The following TAOK1 variants were observed in gnomAD, a reference collection of about 807,000 sequenced individuals.
TAOK1 encodes serine/threonine-protein kinase TAO1.
Under a neutral mutation model 138.3 loss-of-function variants are expected in TAOK1, and 21 were observed. The observed-to-expected ratio is 0.15, with a 90% CI of 0.11 to 0.22. The LOEUF is 0.22. TAOK1 is among the 10% of genes least tolerant of loss of function. TAOK1 has a pLI of 1.00. For missense variants in TAOK1, 651 were observed against 1,227.7 expected (o/e 0.53, Z 7.02); for synonymous variants, 361 against 398.4 (o/e 0.91, Z 1.12).
At chr17:29,398,881 G>GC (rs1482425394) in intron 1 of TAOK1, among the ~76,000 whole-genome samples, 1 of 151,954 alleles carries the variant, frequency 6.6e-6, no homozygotes. Context: ...GATAATGCTT[G>GC]CTAAGTACTT....
At chr17:29,401,016 C>A (rs531234231) in intron 1 of TAOK1, among the ~76,000 whole-genome samples, 30 of 149,760 alleles carry the variant, frequency 2.0e-4, no homozygotes, top group Non-Finnish European at 4.3e-4. Flanking sequence ...CTCAAGTGAT[C>A]CTCCCACCTC....
rs75939526 is a variant in TAOK1, at chr17:29,488,250, A to C, written c.656-1414A>C. On this transcript the variant is annotated intron_variant, in intron 8 of 19. Transcript: ENST00000261716. ...TACTTATAATACCTAATACAATATC[A>C]ATGCCATGTAAGTAGCTGTCTTAAA... Among the ~76,000 whole-genome samples the C allele has an allele frequency of 2.7e-3, 415 of 152,290 alleles. 13 individuals are homozygous for C. The East Asian group carries it at 0.068, about 25-fold the overall frequency.
intron 4 of TAOK1, 65 bp downstream of exon 4, chr17:29,475,836 A>T: frequency 8.4e-7 from 1 of 1,185,562 alleles, no homozygotes; most frequent in South Asian, 1.3e-5. Context: ...ATTAATTCAG[A>T]ATATCTCATA....
At chr17:29,490,821 A>G (rs1408958511) in intron 9 of TAOK1, among the ~76,000 whole-genome samples, 1 of 152,198 alleles carries the variant, frequency 6.6e-6, no homozygotes, top group Non-Finnish European at 1.5e-5. Context: ...CCTCCTACTT[A>G]CAAGATAGTG....
chr17:29,518,575 C>G (rs1221372926), intron 16 of TAOK1, among the ~76,000 whole-genome samples: 2 of 152,170 alleles, frequency 1.3e-5, no homozygotes, highest in African/African-American at 4.8e-5. Flanking sequence ...CCATGTGTTT[C>G]TGTAGGGTAG....
At chr17:29,532,652 C>A (rs554970604) in intron 18 of TAOK1, among the ~76,000 whole-genome samples, 2 of 152,002 alleles carry the variant, frequency 1.3e-5, no homozygotes, top group African/African-American at 4.8e-5. Flanking sequence ...CGGAGAGTAC[C>A]GGGTTGGGGG....
At chr17:29,486,878 G>A (rs2153027276) in intron 8 of TAOK1, among the ~76,000 whole-genome samples, 1 of 152,174 alleles carries the variant, frequency 6.6e-6, no homozygotes, top group East Asian at 1.9e-4. Flanking sequence ...AGAGAAAGGA[G>A]GGCATCTGTT....
chr17:29,523,155 T>G (rs2031949606), intron 17 of TAOK1, among the ~76,000 whole-genome samples: 1 of 152,074 alleles, frequency 6.6e-6, no homozygotes, highest in Non-Finnish European at 1.5e-5. Context: ...ACCATTTGGC[T>G]TCTCTCTGTT....
chr17:29,406,263 A>T (rs1359809334), intron 1 of TAOK1, among the ~76,000 whole-genome samples: 1 of 152,254 alleles, frequency 6.6e-6, no homozygotes, highest in East Asian at 1.9e-4. Context: ...GAGCAAAATC[A>T]CCTGATTGAG....
At chr17:29,445,980 A>G (rs2030066120) in intron 1 of TAOK1, among the ~76,000 whole-genome samples, 1 of 151,946 alleles carries the variant, frequency 6.6e-6, no homozygotes, top group African/African-American at 2.4e-5. Flanking sequence ...TACTTTCTTG[A>G]GTGACTTTTT....
chr17:29,509,921 T>C (rs2031691542), intron 14 of TAOK1, among the ~76,000 whole-genome samples: 1 of 151,228 alleles, frequency 6.6e-6, no homozygotes, highest in Non-Finnish European at 1.5e-5. Context: ...ACTCGCCCTG[T>C]TACCCAGCTG....
intron 19 of TAOK1, among the ~76,000 whole-genome samples, chr17:29,539,835 G>A (rs908866171): frequency 6.6e-5 from 10 of 152,204 alleles, no homozygotes; most frequent in Non-Finnish European, 8.8e-5. Context: ...AGCCACGATC[G>A]CGCCACTGCA....
Position 29,542,667 on chromosome 17 carries a change from G to A in TAOK1, c.2651G>A (p.Arg884Lys), listed in dbSNP as rs764089182. The change falls in exon 20 of 20, where the codon AGA (arginine) becomes AAA (lysine). Residue 884 changes from arginine (R) to lysine (K), a missense_variant. By Grantham distance (26) the Arg-to-Lys change is conservative. Coordinates refer to ENST00000261716, the MANE Select transcript of TAOK1 (RefSeq NM_020791.4). ...GAAGCTTTTGACTCTGAAAGCATGAGACTAGGTTTTAGTAATATGGTCCTT... is the reference window on the plus strand; with the variant it reads ...GAAGCTTTTGACTCTGAAAGCATGAAACTAGGTTTTAGTAATATGGTCCTT... ...EIEAFDSESMRLGFSNMVLSN... is the reference protein window; with the variant it reads ...EIEAFDSESMKLGFSNMVLSN... 1 of 1,614,254 alleles carries A rather than the reference G, an allele frequency of 6.2e-7. No individual in the cohort carries two copies. The highest frequency in any genetic ancestry group is 8.5e-7 in the Non-Finnish European group (1 of 1,180,054).
At chr17:29,453,899 C>T (rs79756720) in intron 2 of TAOK1, among the ~76,000 whole-genome samples, 2,329 of 151,642 alleles carry the variant, frequency 0.015, 24 homozygotes, top group Middle Eastern at 0.09. Flanking sequence ...CCTCAGCCTC[C>T]GTGGGCTCAG....
chr17:29,492,660 C>T (rs748996760), intron 10 of TAOK1, among the ~76,000 whole-genome samples: 3 of 151,992 alleles, frequency 2.0e-5, no homozygotes, highest in East Asian at 3.9e-4. Context: ...GGCGTGGTGG[C>T]GCATGCCTGT....
At chr17:29,492,390 G>A (rs2031312242) in intron 10 of TAOK1, among the ~76,000 whole-genome samples, 1 of 152,160 alleles carries the variant, frequency 6.6e-6, no homozygotes, top group African/African-American at 2.4e-5. Context: ...TGTCTAAATA[G>A]AATATGTAGT....
chr17:29,504,765 G>A (rs930722233), intron 13 of TAOK1, among the ~76,000 whole-genome samples: 8 of 152,206 alleles, frequency 5.3e-5, no homozygotes, highest in African/African-American at 1.9e-4. Context: ...AGCAGATGTT[G>A]TAAATCCTAT....
intron 19 of TAOK1, among the ~76,000 whole-genome samples, chr17:29,540,604 CTT>C (rs1200657558): frequency 1.3e-5 from 2 of 151,254 alleles, no homozygotes; most frequent in Non-Finnish European, 2.9e-5. Flanking sequence ...GAGTTTCACT[CTT>C]TTTGCCCAGG....
chr17:29,548,490 T>G lies in TAOK1; in HGVS notation c.*5468T>G, dbSNP rs1598536491. The G allele has an allele frequency of 6.6e-6, 1 of 152,190 alleles. No individual in the cohort carries two copies. The highest frequency in any genetic ancestry group is 2.4e-5 in the African/African-American group (1 of 41,538). The allele number at this position is 152,190 out of a possible 1,614,324, so 9.4% of individuals were successfully genotyped here. On this transcript the variant is annotated 3_prime_UTR_variant, in exon 20 of 20. Transcript: ENST00000261716. ...GAATTCTTTAAATAGAGAAAAAGGT[T>G]AATCCTCACTGAAACACCAGGATGC... is the stretch of plus-strand genomic sequence containing the variant.
Sources: allele counts gnomAD v4.1 joint callset (sites outside exome capture counted in the v4.1 genomes callset), GRCh38; gene constraint gnomAD v4.1.1; transcripts MANE v1.5; gene names NCBI Gene and HGNC (gene_info 2026-07-23, HGNC 2026-07-21).